The following BRD1 variants were observed in gnomAD, a reference collection of about 807,000 sequenced individuals.
BRD1 encodes bromodomain containing 1.
A neutral mutation model predicts 107.7 loss-of-function variants in BRD1; 24 were observed. The observed-to-expected ratio is 0.22, with a 90% CI of 0.16 to 0.31. The LOEUF is 0.31. Ranked by LOEUF, BRD1 falls within the 10% of genes least tolerant of loss-of-function variation. BRD1 has a pLI of 1.00. For synonymous variants in BRD1, 744 were observed against 686.1 expected (o/e 1.08, Z -1.32); for missense variants, 1,279 against 1,638.6 (o/e 0.78, Z 3.79).
intron 8 of BRD1, among the ~76,000 whole-genome samples, chr22:49,780,437 C>A (rs2146961050): frequency 6.6e-6 from 1 of 152,294 alleles, no homozygotes; most frequent in African/African-American, 2.4e-5. Flanking sequence ...ACAGACAAAC[C>A]CAGCCCAACC....
At chr22:49,799,219 G>C (rs1356035911) in intron 3 of BRD1, 100 bp from the exon 4 acceptor site, 8 of 1,491,694 alleles carry the variant, frequency 5.4e-6, no homozygotes, top group Non-Finnish European at 7.2e-6. Context: ...ATCCACGTCA[G>C]GGGTCCTGCA....
chr22:49,804,438 T>C, intron 2 of BRD1, 78 bp from the exon 3 acceptor site: 2 of 1,457,326 alleles, frequency 1.4e-6, no homozygotes, highest in South Asian at 2.8e-5. Flanking sequence ...ATGACAGTAC[T>C]ACTGCTAACA....
chr22:49,784,531 C>T (rs887892516), intron 8 of BRD1, among the ~76,000 whole-genome samples: 6 of 152,238 alleles, frequency 3.9e-5, no homozygotes, highest in African/African-American at 1.2e-4. Context: ...GCGGGCGACA[C>T]GGGCAGGAGG....
intron 2 of BRD1, among the ~76,000 whole-genome samples, chr22:49,815,442 C>T (rs1318021902): frequency 6.6e-6 from 1 of 151,896 alleles, no homozygotes; most frequent in African/African-American, 2.4e-5. Flanking sequence ...ATTCGGGAGG[C>T]TGAGGCAGGA....
At chr22:49,820,996 T>C (rs900575834) in intron 2 of BRD1, 1 of 152,412 alleles carries the variant, frequency 6.6e-6, no homozygotes, top group East Asian at 1.9e-4. Context: ...GCTGAAATAA[T>C]AGTTTATTCC....
At chr22:49,776,954 A>G in intron 10 of BRD1, 80 bp downstream of exon 10, 1 of 1,573,056 alleles carries the variant, frequency 6.4e-7, no homozygotes, top group East Asian at 2.2e-5. Context: ...CCTGAGCCGG[A>G]GTCCAGTCCC....
chr22:49,802,976 C>A (rs1465196883), intron 3 of BRD1, among the ~76,000 whole-genome samples: 1 of 152,242 alleles, frequency 6.6e-6, no homozygotes, highest in African/African-American at 2.4e-5. Flanking sequence ...CCCGGGGAGC[C>A]CCAAGTTCCA....
chr22:49,777,231 G>C lies in BRD1; in HGVS notation c.2994-70C>G, dbSNP rs547589314. 38 of 1,588,550 alleles carry C rather than the reference G, an allele frequency of 2.4e-5. No individual in the cohort carries two copies. In the South Asian group the frequency reaches 3.6e-4, roughly 15 times the overall value. ...TTCAGCCTCACTCGGGCTTCGTCCCGTGAGCTGTCCGCCACCAAGCTGGCC... is the reference window on the plus strand; with the variant it reads ...TTCAGCCTCACTCGGGCTTCGTCCCCTGAGCTGTCCGCCACCAAGCTGGCC... On this transcript the variant is annotated intron_variant, in intron 9 of 12. Coordinates refer to ENST00000404760, the MANE Select transcript of BRD1 (RefSeq NM_001304808.3).
Position 49,777,770 on chromosome 22 carries a change from C to T in BRD1, c.2901G>A (p.Pro967=), listed in dbSNP as rs549831886. Residue 967 remains proline (P), a synonymous_variant, in exon 9 of 13, where the codon CCG becomes CCA. Coordinates refer to ENST00000404760, the MANE Select transcript of BRD1 (RefSeq NM_001304808.3). Reference sequence around the variant, plus strand: ...TGGCCTTCCTCCCCAGGCCGCCGCCCGGCTCCTGCTCGCTCCTCGCACCCC... The same window carrying T: ...TGGCCTTCCTCCCCAGGCCGCCGCCTGGCTCCTGCTCGCTCCTCGCACCCC... ...GFGGARSEQE[P]GGGLGRKATP... 4.7e-5 allele frequency: 76 copies of T among 1,605,274 alleles called. 1 individual carries two copies. The South Asian group carries it at 6.2e-4, about 13-fold the overall frequency.
intron 10 of BRD1, among the ~76,000 whole-genome samples, chr22:49,776,591 C>T (rs903801198): frequency 2.6e-5 from 4 of 152,228 alleles, no homozygotes; most frequent in Non-Finnish European, 2.9e-5. Context: ...GGATCTCCGT[C>T]CTGATGCCCC....
chr22:49,779,952 C>A (rs979668262), intron 8 of BRD1, among the ~76,000 whole-genome samples: 2 of 149,356 alleles, frequency 1.3e-5, no homozygotes, highest in East Asian at 3.9e-4. Flanking sequence ...GCGACCCACA[C>A]CCCACAGCCC....
chr22:49,778,041 G>A (rs897647244), intron 8 of BRD1, among the ~76,000 whole-genome samples: 11 of 152,224 alleles, frequency 7.2e-5, no homozygotes, highest in East Asian at 3.8e-4. Context: ...GGCTCCGATC[G>A]TAGTAGTTTG....
At chr22:49,813,543 T>G (rs116421454) in intron 2 of BRD1, among the ~76,000 whole-genome samples, 3,777 of 151,252 alleles carry the variant, frequency 0.025, 97 homozygotes, top group South Asian at 0.065. Flanking sequence ...TTAAAAAAAT[T>G]TTTGGCCAGG....
chr22:49,800,765 C>T (rs2059625777), intron 3 of BRD1, among the ~76,000 whole-genome samples: 1 of 152,226 alleles, frequency 6.6e-6, no homozygotes, highest in African/African-American at 2.4e-5. Flanking sequence ...CGATATTTCC[C>T]ATGTAAAAAT....
chr22:49,788,053 A>G (rs1297374094), intron 7 of BRD1, among the ~76,000 whole-genome samples, 166 bp from the exon 8 acceptor site: 4 of 152,366 alleles, frequency 2.6e-5, no homozygotes, highest in East Asian at 1.9e-4. Flanking sequence ...CTCGGGCCAC[A>G]CTGTGTGTGC....
chr22:49,793,922 T>G (rs1384221782), intron 7 of BRD1, 112 bp downstream of exon 7: 14 of 1,428,234 alleles, frequency 9.8e-6, no homozygotes, highest in Non-Finnish European at 1.3e-5. Flanking sequence ...GGCGCTAACC[T>G]GAGCCTCCGT....
intron 2 of BRD1, among the ~76,000 whole-genome samples, chr22:49,821,582 T>C (rs1463466223): frequency 6.6e-6 from 1 of 150,836 alleles, no homozygotes; most frequent in African/African-American, 2.5e-5. Context: ...AGTAGAGTAA[T>C]ATTAACAAAA....
chr22:49,811,656 T>G (rs1489421503), intron 2 of BRD1, among the ~76,000 whole-genome samples: 1 of 152,252 alleles, frequency 6.6e-6, no homozygotes, highest in Non-Finnish European at 1.5e-5. Context: ...ATGAACTGCT[T>G]ACTGCTGGAA....
intron 11 of BRD1, 79 bp from the exon 12 acceptor site, chr22:49,775,824 C>CCCCCCCCCCAGCTGTGTGA (rs879766434): frequency 2.3e-6 from 3 of 1,282,296 alleles, no homozygotes; most frequent in African/African-American, 2.5e-5. Context: ...CACCCCCCCC[C>CCCCCCCCCCAGCTGTGTGA]GCCTCCCCAC....
Sources: allele counts gnomAD v4.1 joint callset (sites outside exome capture counted in the v4.1 genomes callset), GRCh38; gene constraint gnomAD v4.1.1; transcripts MANE v1.5; gene names NCBI Gene and HGNC (gene_info 2026-07-23, HGNC 2026-07-21).